AGTPBP1: variants seen among roughly 807,000 people sequenced by gnomAD.
The protein encoded by AGTPBP1 is ATP/GTP binding carboxypeptidase 1.
AGTPBP1 carries 70 observed loss-of-function variants against 143.9 expected under a neutral mutation model. The ratio of observed to expected loss-of-function variants is 0.49; its 90% CI spans 0.40 to 0.59. The LOEUF (loss-of-function observed/expected upper bound fraction) is 0.59, where lower values mean the gene tolerates loss of function less well. AGTPBP1 is among the 20% of genes least tolerant of loss of function. The pLI, the probability that AGTPBP1 is intolerant of heterozygous loss-of-function variation, is 0.00. For missense variants in AGTPBP1, 1,229 were observed against 1,464.5 expected, an observed-to-expected ratio of 0.84 and a Z score of 2.62; for synonymous variants, 463 against 500.2, an observed-to-expected ratio of 0.93 and a Z score of 0.99.
Position 85,546,908 on chromosome 9 carries a change from C to A in AGTPBP1, c.*201G>T, listed in dbSNP as rs1043646855. The stretch of plus-strand genomic sequence containing the variant: ...TGATCATTCAATGCTACATAAAGTG[C>A]ATTGAATATCGAAAATAAAACAAGC... On this transcript the variant is annotated 3_prime_UTR_variant, in exon 26 of 26. Transcript: ENST00000357081. 4.5e-6 allele frequency: 2 copies of A among 449,186 alleles called. No homozygotes were observed. Among genetic ancestry groups the A allele is most frequent in the African/African-American group, 4.1e-5 (2 of 49,198 alleles). The allele number at this position is 449,186 out of a possible 1,614,324, so 27.8% of individuals were successfully genotyped here.
intron 12 of AGTPBP1, 93 bp downstream of exon 12, chr9:85,646,228 T>C (rs1022696463): frequency 2.0e-5 from 16 of 808,214 alleles, no homozygotes; most frequent in Non-Finnish European, 3.0e-5. Flanking sequence ...AAGTAAAACC[T>C]AAAATTACAT....
chr9:85,760,919 G>A, the AGTPBP1 span, among the ~76,000 whole-genome samples: 1 of 152,174 alleles, frequency 6.6e-6, no homozygotes, highest in African/African-American at 2.4e-5. Context: ...CTTCAGCAAA[G>A]TCTCAGGATA....
chr9:85,589,040 G>T, intron 20 of AGTPBP1, among the ~76,000 whole-genome samples: 1 of 151,830 alleles, frequency 6.6e-6, no homozygotes, highest in Middle Eastern at 3.4e-3. Context: ...GAAATACTTC[G>T]CCTTCTTATC....
At chr9:85,775,532 T>G in the AGTPBP1 span, among the ~76,000 whole-genome samples, 526 of 147,262 alleles carry the variant, frequency 3.6e-3, 5 homozygotes, top group African/African-American at 0.012. Flanking sequence ...ATGATATATA[T>G]ATAGATATAT....
chr9:85,619,679 G>A (rs1019543490), intron 15 of AGTPBP1, among the ~76,000 whole-genome samples: 12 of 152,150 alleles, frequency 7.9e-5, no homozygotes, highest in Non-Finnish European at 1.8e-4. Flanking sequence ...TTTTCAATTT[G>A]AAGAGCTAAA....
chr9:85,803,412 C>T, the AGTPBP1 span, among the ~76,000 whole-genome samples: 3 of 151,348 alleles, frequency 2.0e-5, no homozygotes, highest in Admixed American at 1.3e-4. Flanking sequence ...TCTGCTCCAC[C>T]CCCTTTCTTT....
chr9:85,804,943 A>C, the AGTPBP1 span, among the ~76,000 whole-genome samples: 57,301 of 151,434 alleles, frequency 0.38, 12,366 homozygotes, highest in African/African-American at 0.57. Context: ...CACTCCAGGG[A>C]CCTCTAACTG....
chr9:85,669,073 T>C (rs1834325518), intron 8 of AGTPBP1, among the ~76,000 whole-genome samples: 1 of 148,976 alleles, frequency 6.7e-6, no homozygotes, highest in African/African-American at 2.5e-5. Context: ...GATGTGATTT[T>C]GACAAAATAG....
intron 3 of AGTPBP1, among the ~76,000 whole-genome samples, chr9:85,691,655 T>A (rs1173499326): frequency 6.6e-6 from 1 of 152,010 alleles, no homozygotes; most frequent in Non-Finnish European, 1.5e-5. Flanking sequence ...CCTGTTCAGA[T>A]AATGTTATAG....
In AGTPBP1 at chr9:85,712,585, T is replaced by C. The variant is rs1195912922; in HGVS notation, c.-33-19A>G. ...AGATAATCTAAAAGAAAAATGTTAA[T>C]GATATTAAAAACTTATAACTCTTTT... On this transcript the variant is annotated intron_variant, in intron 1 of 25. Coordinates refer to ENST00000357081, the MANE Select transcript of AGTPBP1 (RefSeq NM_001330701.2). The C allele has an allele frequency of 2.3e-6, 3 of 1,284,070 alleles. No homozygotes were observed. Among genetic ancestry groups the C allele is most frequent in the Non-Finnish European group, 3.2e-6 (3 of 939,734 alleles). 79.5% of individuals were successfully genotyped at this position (1,284,070 alleles called of 1,614,324 possible).
At chr9:85,589,494 T>C in intron 20 of AGTPBP1, 34 bp downstream of exon 20, 1 of 1,573,112 alleles carries the variant, frequency 6.4e-7, no homozygotes, top group Non-Finnish European at 8.6e-7. Context: ...TAGGTGAGAA[T>C]GACTGCTATT....
At chr9:85,713,613 C>A (rs949514639) in intron 1 of AGTPBP1, among the ~76,000 whole-genome samples, 1 of 152,124 alleles carries the variant, frequency 6.6e-6, no homozygotes, top group African/African-American at 2.4e-5. Context: ...TTTAAAGAGA[C>A]AACAAACACA....
Position 85,741,905 on chromosome 9 carries a change from A to AGGCGGCGGC in AGTPBP1, c.-173_-165dup, listed in dbSNP as rs199589522. On this transcript the variant is annotated 5_prime_UTR_variant, in exon 1 of 26. Transcript: ENST00000357081. ...CAAACCCCGGTGGCAGGCGAGGCGG[A>AGGCGGCGGC]GGCGGCGGCGGCGGCAGCTGCGGCG... is the stretch of plus-strand genomic sequence containing the variant. The AGGCGGCGGC allele has an allele frequency of 1.4e-4, 193 of 1,335,998 alleles. 1 individual carries two copies. Among genetic ancestry groups the AGGCGGCGGC allele is most frequent in the Admixed American group, 2.6e-4 (7 of 26,922 alleles). 82.8% of individuals were successfully genotyped at this position (1,335,998 alleles called of 1,614,324 possible). A position where few individuals can be genotyped will look rare whatever the true frequency, so the allele number is the denominator to read the frequency against.
At chr9:85,702,289 C>T (rs1190061567) in intron 2 of AGTPBP1, among the ~76,000 whole-genome samples, 1 of 152,198 alleles carries the variant, frequency 6.6e-6, no homozygotes, top group Non-Finnish European at 1.5e-5. Context: ...GTCAGTCTTA[C>T]ACATCTAACC....
At chr9:85,632,299 C>T (rs566623512) in intron 14 of AGTPBP1, among the ~76,000 whole-genome samples, 1 of 152,232 alleles carries the variant, frequency 6.6e-6, no homozygotes, top group African/African-American at 2.4e-5. Flanking sequence ...AAATCCTATA[C>T]TTAACTCAAG....
rs143497673 is a variant in AGTPBP1 at position 85,584,818 on chromosome 9, G to A, written c.3165+645C>T. Among the ~76,000 whole-genome samples, 310 of 152,268 alleles carry A rather than the reference G, an allele frequency of 2.0e-3. 1 individual carries two copies. The highest frequency in any genetic ancestry group is 6.2e-3 in the African/African-American group (258 of 41,552). ...TCTAACAAACATTTCACACCTAGGT[G>A]AAGAAATTTTATACTTTACCAAATA... On this transcript the variant is annotated intron_variant, in intron 23 of 25. Coordinates refer to ENST00000357081, the MANE Select transcript of AGTPBP1 (RefSeq NM_001330701.2).
chr9:85,732,888 T>C (rs1588000950), intron 1 of AGTPBP1, among the ~76,000 whole-genome samples: 3 of 152,134 alleles, frequency 2.0e-5, no homozygotes, highest in Admixed American at 2.0e-4. Context: ...AGAAAAAGTA[T>C]ATTATATATT....
At position 85,586,872 on chromosome 9, in the gene AGTPBP1, C is replaced by T. The variant is rs1398859800; in HGVS notation, c.2992G>A (p.Gly998Arg). 1 of 1,613,968 alleles carries T rather than the reference C, an allele frequency of 6.2e-7. No individual in the cohort carries two copies. ...ACTGCAGCCAAGTATTGCAACAGCC[C>T]CTTAGCATGGTAAATTGTAGGATGT... ...DLHPTIYHAK[G>R]LLQYLAAVKR... The change falls in exon 22 of 26, where the codon GGG (glycine) becomes AGG (arginine). Residue 998 changes from glycine (G) to arginine (R), a missense_variant. Coordinates refer to ENST00000357081, the MANE Select transcript of AGTPBP1 (RefSeq NM_001330701.2).
chr9:85,690,151 T>TG (rs1444938140), intron 3 of AGTPBP1, among the ~76,000 whole-genome samples: 1 of 152,144 alleles, frequency 6.6e-6, no homozygotes, highest in East Asian at 1.9e-4. Flanking sequence ...AAGATATCTT[T>TG]GTTGTTGTTT....
Sources: gnomAD v4.1 joint callset for allele counts (sites outside exome capture counted in the v4.1 genomes callset) on GRCh38, gnomAD v4.1.1 for gene constraint, MANE v1.5 for transcripts, NCBI Gene and HGNC (gene_info 2026-07-23, HGNC 2026-07-21) for gene names.